The following KIF11 variants were observed in gnomAD, a reference collection of about 807,000 sequenced individuals.
KIF11 encodes the protein kinesin family member 11, also known as kinesin-like protein KIF11.
KIF11 carries 9 observed loss-of-function variants against 121.0 expected under a neutral mutation model. The observed-to-expected ratio is 0.07, with a 90% CI of 0.04 to 0.13. KIF11 has a LOEUF of 0.13. Among genes scored for constraint, KIF11 ranks in the 10% least tolerant of loss-of-function variants. The probability of loss-of-function intolerance (pLI) is 1.00; values close to 1 mark genes in which losing one functional copy is unlikely to be tolerated. For missense variants in KIF11, 846 were observed against 1,217.5 expected, an observed-to-expected ratio of 0.69 and a Z score of 4.54; for synonymous variants, 408 against 421.0, an observed-to-expected ratio of 0.97 and a Z score of 0.38.
intron 16 of KIF11, among the ~76,000 whole-genome samples, chr10:92,637,986 C>T (rs912308081): frequency 2.0e-5 from 3 of 152,196 alleles, no homozygotes; most frequent in African/African-American, 2.4e-5. Flanking sequence ...CATAGTAAAT[C>T]GATACAACTT....
At chr10:92,649,411 G>A (rs1366284987) in intron 19 of KIF11, among the ~76,000 whole-genome samples, 1 of 152,054 alleles carries the variant, frequency 6.6e-6, no homozygotes, top group African/African-American at 2.4e-5. Flanking sequence ...ACCAGCCTGG[G>A]CAACATAGTA....
intron 1 of KIF11, among the ~76,000 whole-genome samples, chr10:92,604,923 C>T (rs915148418): frequency 6.6e-6 from 1 of 151,996 alleles, no homozygotes; most frequent in African/African-American, 2.4e-5. Context: ...TAAGAACCTA[C>T]TGTGTGCTAA....
chr10:92,629,132 C>T (rs565028001), intron 11 of KIF11, among the ~76,000 whole-genome samples: 41 of 151,836 alleles, frequency 2.7e-4, no homozygotes, highest in Non-Finnish European at 1.2e-4. Context: ...AGGTGTGCAC[C>T]ACCATGCCTG....
Position 92,593,341 on chromosome 10 carries a change from C to T in KIF11, c.-35C>T, listed in dbSNP as rs1317658550. On this transcript the variant is annotated 5_prime_UTR_variant, in exon 1 of 22. Transcript: ENST00000260731. Reference sequence around the variant, plus strand: ...CTCCGCCCCTCACAGCGCCCAGGTCCGCGGCCGGGCCTTGATTTTTTGGCG... The same window carrying T: ...CTCCGCCCCTCACAGCGCCCAGGTCTGCGGCCGGGCCTTGATTTTTTGGCG... 1 of 1,584,458 alleles carries T rather than the reference C, an allele frequency of 6.3e-7. No homozygotes were observed. The highest frequency in any genetic ancestry group is 1.1e-5 in the South Asian group (1 of 87,020).
At chr10:92,628,769 A>G (rs1361890263) in intron 10 of KIF11, 39 bp from the exon 11 acceptor site, 2 of 1,143,758 alleles carry the variant, frequency 1.7e-6, no homozygotes, top group African/African-American at 3.1e-5. Flanking sequence ...AGTTAGAAAA[A>G]AATATTAACT....
At chr10:92,639,598 A>G (rs1415816057) in intron 16 of KIF11, among the ~76,000 whole-genome samples, 196 bp from the exon 17 acceptor site, 1 of 152,118 alleles carries the variant, frequency 6.6e-6, no homozygotes, top group Non-Finnish European at 1.5e-5. Flanking sequence ...GTCTCTAAAA[A>G]AAAAAACAAA....
rs531964500 is a variant in KIF11 at position 92,629,261 on chromosome 10, C to T, written c.1305+366C>T. 5.3e-5 allele frequency among the ~76,000 whole-genome samples: 8 copies of T among 151,108 alleles called. No homozygotes were observed. In the South Asian group the frequency reaches 6.3e-4, roughly 12 times the overall value. On this transcript the variant is annotated intron_variant, in intron 11 of 21. Transcript: ENST00000260731. ...CCTCCCAAAATGCTGGGATGACAGG[C>T]GTGAGCCACTGCACCCAGCTCCTTC... is the stretch of plus-strand genomic sequence containing the variant.
At chr10:92,626,360 C>T (rs1466546506) in intron 10 of KIF11, among the ~76,000 whole-genome samples, 1 of 152,190 alleles carries the variant, frequency 6.6e-6, no homozygotes, top group African/African-American at 2.4e-5. Context: ...TATCCATGTG[C>T]AGAATATTGA....
chr10:92,645,612 A>C lies in KIF11; in HGVS notation c.2517A>C (p.Glu839Asp). The C allele has an allele frequency of 1.2e-6, 2 of 1,606,854 alleles. No individual in the cohort carries two copies. Among genetic ancestry groups the C allele is most frequent in the South Asian group, 2.2e-5 (2 of 89,450 alleles). The change falls in exon 18 of 22, where the codon GAA becomes GAC. Residue 839 changes from glutamate (E) to aspartate (D), a missense_variant. Glu to Asp is a conservative substitution (Grantham distance 45, BLOSUM62 2). This residue lies in a region of KIF11 where 492 missense variants were observed against 603.4 expected (regional missense o/e 0.82). Coordinates refer to ENST00000260731, the MANE Select transcript of KIF11 (RefSeq NM_004523.4). Reference sequence around the variant, plus strand: ...AACAGTGGGTATCTTCCTTAAATGAAAGGGAACAGGAACTTCACAACTTAT... The same window carrying C: ...AACAGTGGGTATCTTCCTTAAATGACAGGGAACAGGAACTTCACAACTTAT... ...FSEQWVSSLN[E>D]REQELHNLLE...
chr10:92,593,601 G>C (rs1844257694), intron 1 of KIF11, 149 bp downstream of exon 1: 9 of 652,026 alleles, frequency 1.4e-5, no homozygotes, highest in Non-Finnish European at 2.4e-5. Flanking sequence ...ATGACACCCG[G>C]TTGCTGTGTG....
intron 6 of KIF11, among the ~76,000 whole-genome samples, 158 bp downstream of exon 6, chr10:92,609,667 G>A (rs1449342446): frequency 1.3e-5 from 2 of 152,046 alleles, no homozygotes; most frequent in Non-Finnish European, 2.9e-5. Flanking sequence ...AGATTTATAT[G>A]GAAGGAACCA....
At chr10:92,627,596 CT>C (rs963338442) in intron 10 of KIF11, among the ~76,000 whole-genome samples, 2 of 151,798 alleles carry the variant, frequency 1.3e-5, no homozygotes, top group African/African-American at 4.8e-5. Flanking sequence ...CCTTTGGGAT[CT>C]TTTTTTTCCC....
In KIF11 at chr10:92,651,432, T is replaced by C. The variant is rs1012650506; in HGVS notation, c.3039+915T>C. ...CTCACCGCAACTTCCACCTCCTGGG[T>C]TCAAGTGATTCTCCTGCCTCAGCCT... On this transcript the variant is annotated intron_variant, in intron 21 of 21. Transcript: ENST00000260731. 7.4e-5 allele frequency among the ~76,000 whole-genome samples: 11 copies of C among 148,450 alleles called. No individual in the cohort carries two copies. The Admixed American group carries it at 7.6e-4, about 10-fold the overall frequency.
At chr10:92,628,060 G>A (rs1273826114) in intron 10 of KIF11, among the ~76,000 whole-genome samples, 2 of 152,178 alleles carry the variant, frequency 1.3e-5, no homozygotes. Context: ...TTGGGGGACT[G>A]GTGGTGGTGG....
intron 6 of KIF11, among the ~76,000 whole-genome samples, chr10:92,610,799 C>T (rs953342083): frequency 3.9e-5 from 6 of 151,966 alleles, no homozygotes; most frequent in Non-Finnish European, 8.8e-5. Flanking sequence ...AAAAAGTTTG[C>T]ATTTAAAGAA....
intron 11 of KIF11, among the ~76,000 whole-genome samples, chr10:92,629,823 G>A (rs1462458689): frequency 3.3e-5 from 5 of 152,036 alleles, no homozygotes; most frequent in Non-Finnish European, 7.4e-5. Context: ...TCGCTATGTT[G>A]CCCAGGCTGG....
At chr10:92,603,406 A>AT (rs879416329) in intron 1 of KIF11, among the ~76,000 whole-genome samples, 120 of 141,314 alleles carry the variant, frequency 8.5e-4, no homozygotes, top group Admixed American at 1.3e-3. Context: ...TGCCTGGCTA[A>AT]TTTTTTTTTT....
intron 1 of KIF11, among the ~76,000 whole-genome samples, chr10:92,600,697 G>A (rs1844359303): frequency 6.6e-6 from 1 of 151,902 alleles, no homozygotes; most frequent in African/African-American, 2.4e-5. Context: ...AGTAGAGACA[G>A]GGTTTCACTA....
chr10:92,639,944 A>T, intron 17 of KIF11, 44 bp downstream of exon 17: 1 of 1,029,802 alleles, frequency 9.7e-7, no homozygotes. Flanking sequence ...GTAAGTCTGA[A>T]ATTATTTAAG....
Sources: gnomAD v4.1 joint callset for allele counts (sites outside exome capture counted in the v4.1 genomes callset) on GRCh38, gnomAD v4.1.1 for gene constraint, gnomAD v4.1.1 regional missense constraint, MANE v1.5 for transcripts, NCBI Gene and HGNC (gene_info 2026-07-23, HGNC 2026-07-21) for gene names.